Variants in ASAP1 observed in about 807,000 individuals in gnomAD.
The protein encoded by ASAP1 is arf-GAP with SH3 domain, ANK repeat and PH domain-containing protein 1.
In ASAP1, 43 loss-of-function variants were observed where a neutral mutation model predicts 145.2. The observed-to-expected ratio is 0.30, with a 90% CI of 0.23 to 0.38. The LOEUF (loss-of-function observed/expected upper bound fraction) is 0.38. ASAP1 is among the 10% of genes least tolerant of loss of function. The pLI, the probability that ASAP1 is intolerant of heterozygous loss-of-function variation, is 1.00. For synonymous variants in ASAP1, 546 were observed against 515.5 expected (o/e 1.06, Z -0.80); for missense variants, 1,018 against 1,355.3 (o/e 0.75, Z 3.91).
chr8:130,060,900 A>C lies in ASAP1; in HGVS notation c.2871T>G (p.Pro957=). Residue 957 remains proline (P), a synonymous_variant, in exon 28 of 30, where the codon CCT becomes CCG. Transcript: ENST00000518721. ...GTTTGGGGGGCAGTTCTCCTGGCTTAGGCGGCAAATCTCCAATTTGGGGCT... is the reference window on the plus strand; with the variant it reads ...GTTTGGGGGGCAGTTCTCCTGGCTTCGGCGGCAAATCTCCAATTTGGGGCT... The part of the protein sequence containing the change: ...APKPQIGDLP[P]KPGELPPKPQ... 1 of 1,612,564 alleles carries C rather than the reference A, an allele frequency of 6.2e-7. No individual in the cohort carries two copies. The highest frequency in any genetic ancestry group is 1.1e-5 in the South Asian group (1 of 91,020).
At chr8:130,080,476 C>CTTTTTTTTTTTTTTTTT (rs1564936185) in intron 25 of ASAP1, among the ~76,000 whole-genome samples, 2 of 138,700 alleles carry the variant, frequency 1.4e-5, no homozygotes, top group Non-Finnish European at 3.2e-5. Context: ...TTCATTCTCT[C>CTTTTTTTTTTTTTTTTT]TCTTTTTTTT....
chr8:130,167,752 G>T, intron 10 of ASAP1, 130 bp from the exon 11 acceptor site: 1 of 637,212 alleles, frequency 1.6e-6, no homozygotes, highest in East Asian at 2.7e-5. Flanking sequence ...CCTTTATACT[G>T]TCTCATTTTT....
intron 3 of ASAP1, among the ~76,000 whole-genome samples, chr8:130,295,362 T>C (rs1057174205): frequency 6.6e-5 from 10 of 151,886 alleles, no homozygotes; most frequent in African/African-American, 2.4e-4. Context: ...CTTCAAAGAC[T>C]ATCACATTGA....
At chr8:130,174,044 C>T (rs545676718) in intron 9 of ASAP1, among the ~76,000 whole-genome samples, 60 of 146,418 alleles carry the variant, frequency 4.1e-4, no homozygotes, top group African/African-American at 1.4e-3. Flanking sequence ...GCAGAAATCA[C>T]GCCACTGTAC....
intron 3 of ASAP1, among the ~76,000 whole-genome samples, chr8:130,291,855 C>T (rs1821965362): frequency 6.6e-6 from 1 of 152,130 alleles, no homozygotes; most frequent in South Asian, 2.1e-4. Context: ...CCCTAAAACG[C>T]CATTTATTAC....
chr8:130,416,564 T>C (rs1829483338), intron 1 of ASAP1, among the ~76,000 whole-genome samples: 1 of 152,190 alleles, frequency 6.6e-6, no homozygotes, highest in Admixed American at 6.5e-5. Context: ...CTGACTGTCA[T>C]CTTCTGGGGG....
chr8:130,439,447 C>CA (rs1830420355), intron 1 of ASAP1, among the ~76,000 whole-genome samples: 2 of 152,100 alleles, frequency 1.3e-5, no homozygotes, highest in Admixed American at 1.3e-4. Context: ...TAATGTAATG[C>CA]AATTTTTATT....
At chr8:130,370,597 A>G (rs1827168781) in intron 2 of ASAP1, among the ~76,000 whole-genome samples, 1 of 152,244 alleles carries the variant, frequency 6.6e-6, no homozygotes, top group African/African-American at 2.4e-5. Context: ...AACCTTGTAC[A>G]CCAATGTTCA....
chr8:130,313,159 T>C (rs1823461307), intron 3 of ASAP1, among the ~76,000 whole-genome samples: 1 of 152,036 alleles, frequency 6.6e-6, no homozygotes, highest in African/African-American at 2.4e-5. Context: ...TGGAAGGAGG[T>C]GGTGGATGGG....
intron 2 of ASAP1, among the ~76,000 whole-genome samples, chr8:130,397,473 T>C (rs995625844): frequency 8.5e-5 from 13 of 152,224 alleles, no homozygotes; most frequent in African/African-American, 3.1e-4. Flanking sequence ...GGTCCCTGTA[T>C]ACACGTCTTC....
intron 3 of ASAP1, among the ~76,000 whole-genome samples, chr8:130,294,581 A>T (rs1395378653): frequency 6.6e-6 from 1 of 152,236 alleles, no homozygotes. Context: ...GAGATAATAC[A>T]TCTAAAGTAT....
intron 24 of ASAP1, among the ~76,000 whole-genome samples, chr8:130,098,540 T>A (rs1026648372): frequency 1.3e-5 from 2 of 152,098 alleles, no homozygotes; most frequent in Non-Finnish European, 2.9e-5. Context: ...GAGACAAGGT[T>A]TCACCATGTT....
At chr8:130,254,394 A>G (rs1215496832) in intron 3 of ASAP1, among the ~76,000 whole-genome samples, 1 of 152,208 alleles carries the variant, frequency 6.6e-6, no homozygotes, top group African/African-American at 2.4e-5. Flanking sequence ...GTAATCATAC[A>G]GTGGTCTGTT....
intron 3 of ASAP1, among the ~76,000 whole-genome samples, chr8:130,269,153 T>C (rs1415322324): frequency 6.6e-6 from 1 of 152,186 alleles, no homozygotes; most frequent in Non-Finnish European, 1.5e-5. Context: ...ACTAAAGGAA[T>C]GCTGCAGTGG....
intron 1 of ASAP1, among the ~76,000 whole-genome samples, chr8:130,435,742 C>G (rs1170359023): frequency 2.6e-5 from 4 of 152,100 alleles, no homozygotes; most frequent in Non-Finnish European, 4.4e-5. Flanking sequence ...AAAATGAGGG[C>G]CTGAATTATT....
chr8:130,188,266 T>C, intron 5 of ASAP1, 83 bp from the exon 6 acceptor site: 2 of 1,046,232 alleles, frequency 1.9e-6, no homozygotes, highest in South Asian at 1.3e-5. Flanking sequence ...TGACTGAGCA[T>C]TTTCCACACA....
At chr8:130,180,062 AGAAGGG>A (rs568329502) in intron 8 of ASAP1, among the ~76,000 whole-genome samples, 17 of 139,732 alleles carry the variant, frequency 1.2e-4, no homozygotes, top group Admixed American at 3.0e-4. Context: ...GGGAGGGAGG[AGAAGGG>A]GAAGGGGAAG....
At chr8:130,198,033 C>T (rs575413400) in intron 5 of ASAP1, among the ~76,000 whole-genome samples, 5 of 152,260 alleles carry the variant, frequency 3.3e-5, no homozygotes, top group African/African-American at 7.2e-5. Flanking sequence ...GTCTTTTCTT[C>T]GGCCTCTTGA....
intron 13 of ASAP1, among the ~76,000 whole-genome samples, chr8:130,149,819 C>T (rs2135936523): frequency 6.6e-6 from 1 of 152,278 alleles, no homozygotes; most frequent in African/African-American, 2.4e-5. Context: ...TCTGTGGGAG[C>T]AGCAATGTGA....
Sources: gnomAD v4.1 joint callset for allele counts (sites outside exome capture counted in the v4.1 genomes callset) on GRCh38, gnomAD v4.1.1 for gene constraint, MANE v1.5 for transcripts, NCBI Gene and HGNC (gene_info 2026-07-23, HGNC 2026-07-21) for gene names.